RANGAP1: variants seen among roughly 807,000 people sequenced by gnomAD.
RANGAP1 encodes the protein Ran GTPase activating protein 1, also known as ran GTPase-activating protein 1.
A neutral mutation model predicts 63.5 loss-of-function variants in RANGAP1; 38 were observed. That is an observed-to-expected ratio of 0.60 (90% CI 0.46 to 0.78). The LOEUF (loss-of-function observed/expected upper bound fraction) is 0.78, where lower values mean the gene tolerates loss of function less well. Ranked by LOEUF, RANGAP1 falls within the 30% of genes least tolerant of loss-of-function variation. The pLI is 0.00. For missense variants in RANGAP1, 630 were observed against 740.3 expected (o/e 0.85, Z 1.73); for synonymous variants, 329 against 310.5 (o/e 1.06, Z -0.63).
intron 3 of RANGAP1, among the ~76,000 whole-genome samples, chr22:41,270,296 G>A (rs1044991414): frequency 3.3e-5 from 5 of 151,054 alleles, no homozygotes; most frequent in Non-Finnish European, 4.4e-5. Context: ...ACCCGCCACC[G>A]CGCCCAGCTA....
At chr22:41,280,105 A>G (rs1015469216) in intron 2 of RANGAP1, among the ~76,000 whole-genome samples, 26 of 152,234 alleles carry the variant, frequency 1.7e-4, no homozygotes, top group Non-Finnish European at 3.4e-4. Context: ...AAAAAAAAAA[A>G]GTGATAAATG....
intron 4 of RANGAP1, among the ~76,000 whole-genome samples, chr22:41,266,641 C>G (rs1569193348): frequency 6.6e-6 from 1 of 152,200 alleles, no homozygotes; most frequent in Non-Finnish European, 1.5e-5. Flanking sequence ...TCAAGTGATT[C>G]TTCCGCCTCA....
chr22:41,268,235 G>T, intron 3 of RANGAP1, 79 bp from the exon 4 acceptor site: 3 of 1,169,416 alleles, frequency 2.6e-6, no homozygotes, highest in Non-Finnish European at 3.7e-6. Context: ...TGGTGGATTT[G>T]AACTACCAGA....
chr22:41,279,088 A>C, intron 2 of RANGAP1, among the ~76,000 whole-genome samples: 1 of 152,236 alleles, frequency 6.6e-6, no homozygotes, highest in African/African-American at 2.4e-5. Flanking sequence ...GCCTGCAGTG[A>C]GCCAACATCA....
intron 2 of RANGAP1, among the ~76,000 whole-genome samples, chr22:41,280,056 G>A (rs552793773): frequency 1.3e-5 from 2 of 151,558 alleles, no homozygotes; most frequent in African/African-American, 4.8e-5. Flanking sequence ...CTGAGATCGT[G>A]CCACTGCACT....
chr22:41,254,266 T>A (rs746949523), intron 11 of RANGAP1, 42 bp downstream of exon 11: 1 of 1,612,276 alleles, frequency 6.2e-7, no homozygotes, highest in Non-Finnish European at 8.5e-7. Flanking sequence ...TTTCACGTTC[T>A]CAGGACCAGG....
At chr22:41,267,585 A>C (rs1225438969) in intron 4 of RANGAP1, among the ~76,000 whole-genome samples, 1 of 152,056 alleles carries the variant, frequency 6.6e-6, no homozygotes, top group Non-Finnish European at 1.5e-5. Context: ...GAGACTGGGA[A>C]CTCGACCCAA....
chr22:41,293,174 G>C, the RANGAP1 span, among the ~76,000 whole-genome samples: 1 of 151,152 alleles, frequency 6.6e-6, no homozygotes, highest in Non-Finnish European at 1.5e-5. Context: ...GGCAGAGCTT[G>C]TAGTGAGCCG....
At chr22:41,252,302 A>C (rs1203073102) in intron 12 of RANGAP1, among the ~76,000 whole-genome samples, 1 of 151,878 alleles carries the variant, frequency 6.6e-6, no homozygotes, top group East Asian at 1.9e-4. Flanking sequence ...ACTCCATCTC[A>C]AAAAAATAAA....
chr22:41,251,192 G>C, intron 12 of RANGAP1, 83 bp from the exon 13 acceptor site: 1 of 1,114,572 alleles, frequency 9.0e-7, no homozygotes, highest in South Asian at 1.3e-5. Flanking sequence ...GAGAGGCCTG[G>C]GCAGTACAAA....
chr22:41,266,412 C>A (rs1450783978), intron 4 of RANGAP1, among the ~76,000 whole-genome samples: 2 of 152,118 alleles, frequency 1.3e-5, no homozygotes, highest in Non-Finnish European at 2.9e-5. Flanking sequence ...AAACAAAAAC[C>A]AAAAGAATAC....
At chr22:41,298,093 G>A in the RANGAP1 span, among the ~76,000 whole-genome samples, 1 of 151,554 alleles carries the variant, frequency 6.6e-6, no homozygotes, top group African/African-American at 2.4e-5. Flanking sequence ...CCCTACCTCA[G>A]GTGATCCACC....
At chr22:41,277,758 G>A (rs566742711) in intron 2 of RANGAP1, among the ~76,000 whole-genome samples, 25 of 152,280 alleles carry the variant, frequency 1.6e-4, no homozygotes, top group South Asian at 8.3e-4. Context: ...CCAAGCCTTG[G>A]CAAGGGATGA....
At chr22:41,255,660 G>C (rs2033784090) in intron 10 of RANGAP1, among the ~76,000 whole-genome samples, 1 of 151,646 alleles carries the variant, frequency 6.6e-6, no homozygotes, top group Non-Finnish European at 1.5e-5. Context: ...CTCCTCTGTT[G>C]AACGGACAAC....
chr22:41,269,908 A>G (rs1184379000), intron 3 of RANGAP1, among the ~76,000 whole-genome samples: 1 of 151,926 alleles, frequency 6.6e-6, no homozygotes, highest in Non-Finnish European at 1.5e-5. Flanking sequence ...ATCTCGGCTC[A>G]CTGCAATCTC....
chr22:41,281,861 A>C (rs184309718), intron 1 of RANGAP1: 1 of 156,450 alleles, frequency 6.4e-6, no homozygotes, highest in Non-Finnish European at 1.4e-5. Context: ...AGTGGCTCAC[A>C]CCTGTAATCC....
At chr22:41,292,429 C>T in the RANGAP1 span, among the ~76,000 whole-genome samples, 45 of 151,622 alleles carry the variant, frequency 3.0e-4, no homozygotes, top group Non-Finnish European at 4.7e-4. Flanking sequence ...GGATTACAGG[C>T]GTGAGTCACT....
chr22:41,279,971 G>A (rs536615058), intron 2 of RANGAP1, among the ~76,000 whole-genome samples: 2 of 151,558 alleles, frequency 1.3e-5, no homozygotes, highest in South Asian at 2.1e-4. Flanking sequence ...GGTGGTGGGC[G>A]CCTGTAATCC....
At chr22:41,256,620 C>A in intron 8 of RANGAP1, 91 bp downstream of exon 8, 2 of 1,123,358 alleles carry the variant, frequency 1.8e-6, no homozygotes, top group South Asian at 1.4e-5. Context: ...TGGACACAGG[C>A]CCACCTGCCT....
Sources: allele counts gnomAD v4.1 joint callset (sites outside exome capture counted in the v4.1 genomes callset), GRCh38; gene constraint gnomAD v4.1.1; transcripts MANE v1.5; gene names NCBI Gene and HGNC (gene_info 2026-07-23, HGNC 2026-07-21).